PTPRR: variants seen among roughly 807,000 people sequenced by gnomAD.
The protein encoded by PTPRR is receptor-type tyrosine-protein phosphatase R.
In PTPRR, 38 loss-of-function variants were observed where a neutral mutation model predicts 77.2. The ratio of observed to expected loss-of-function variants is 0.49; its 90% CI spans 0.38 to 0.65. The LOEUF (loss-of-function observed/expected upper bound fraction) is 0.65, where lower values mean the gene tolerates loss of function less well. Ranked by LOEUF, PTPRR falls within the 30% of genes least tolerant of loss-of-function variation. PTPRR has a pLI of 0.00. For synonymous variants in PTPRR, 299 were observed against 283.1 expected, an observed-to-expected ratio of 1.06 and a Z score of -0.57; for missense variants, 744 against 799.2, an observed-to-expected ratio of 0.93 and a Z score of 0.83.
At chr12:70,656,494 A>C (rs1234784094) in intron 13 of PTPRR, among the ~76,000 whole-genome samples, 1 of 152,212 alleles carries the variant, frequency 6.6e-6, no homozygotes, top group East Asian at 1.9e-4. Flanking sequence ...GCACCACTGC[A>C]CTCCAGCCTG....
intron 1 of PTPRR, among the ~76,000 whole-genome samples, chr12:70,901,160 C>T (rs748475411): frequency 6.6e-5 from 10 of 151,336 alleles, no homozygotes; most frequent in Non-Finnish European, 1.2e-4. Flanking sequence ...ATTAGGGATC[C>T]TCAACCTGTA....
intron 1 of PTPRR, among the ~76,000 whole-genome samples, chr12:70,904,949 T>C (rs1407341677): frequency 6.6e-6 from 1 of 151,730 alleles, no homozygotes; most frequent in Non-Finnish European, 1.5e-5. Context: ...TTGAGGGATG[T>C]GTTTTTGGTT....
intron 1 of PTPRR, among the ~76,000 whole-genome samples, chr12:70,914,761 T>G (rs1893750170): frequency 6.6e-6 from 1 of 152,146 alleles, no homozygotes; most frequent in Admixed American, 6.6e-5. Context: ...AGGTCGAGGC[T>G]GCAGGGAGCC....
chr12:70,716,725 T>A (rs1889045940), intron 6 of PTPRR, among the ~76,000 whole-genome samples: 1 of 152,198 alleles, frequency 6.6e-6, no homozygotes, highest in Non-Finnish European at 1.5e-5. Flanking sequence ...CTCATGGCTG[T>A]AATACCAGCT....
Position 70,892,855 on chromosome 12 carries a change from T to G in PTPRR, c.181A>C (p.Ile61Leu), listed in dbSNP as rs755701727. 1 of 1,613,580 alleles carries G rather than the reference T, an allele frequency of 6.2e-7. No homozygotes were observed. The highest frequency in any genetic ancestry group is 1.1e-5 in the South Asian group (1 of 91,076). The part of the protein sequence containing the change: ...EKSLDIAPQK[I>L]YRHSYHSSSE... ...GAGGAATGGTAGCTATGTCTGTAGA[T>G]TTTTTGTGGGGCTATATCCAGGCTC... The change falls in exon 2 of 14, where the codon ATC becomes CTC. Residue 61 changes from isoleucine to leucine, a missense_variant. Coordinates refer to ENST00000283228, the MANE Select transcript of PTPRR (RefSeq NM_002849.4).
At chr12:70,915,033 AAGCTGTAGAG>A (rs1172397326) in intron 1 of PTPRR, among the ~76,000 whole-genome samples, 1 of 152,154 alleles carries the variant, frequency 6.6e-6, no homozygotes, top group African/African-American at 2.4e-5. Flanking sequence ...AATCAATGAC[AAGCTGTAGAG>A]AGCACTAACC....
At chr12:70,843,898 A>C (rs921348564) in intron 2 of PTPRR, among the ~76,000 whole-genome samples, 26 of 146,868 alleles carry the variant, frequency 1.8e-4, no homozygotes, top group African/African-American at 6.3e-4. Context: ...TCACTGCAAC[A>C]CCTGCCTCCC....
intron 6 of PTPRR, among the ~76,000 whole-genome samples, chr12:70,708,125 T>A (rs939858020): frequency 6.6e-6 from 1 of 152,022 alleles, no homozygotes; most frequent in Non-Finnish European, 1.5e-5. Flanking sequence ...CCAATATGTA[T>A]CCAATATATA....
intron 1 of PTPRR, among the ~76,000 whole-genome samples, chr12:70,908,519 T>A (rs369192309): frequency 6.6e-6 from 1 of 152,004 alleles, no homozygotes; most frequent in East Asian, 1.9e-4. Context: ...AACCATCAGA[T>A]CTCGTGAGAA....
chr12:70,672,222 C>T, intron 10 of PTPRR: 2 of 1,583,608 alleles, frequency 1.3e-6, no homozygotes, highest in Non-Finnish European at 1.7e-6. Context: ...CTGGCTCCAG[C>T]CACATGGCCA....
chr12:70,718,328 C>T (rs1031746928), intron 6 of PTPRR, among the ~76,000 whole-genome samples: 8 of 151,812 alleles, frequency 5.3e-5, no homozygotes, highest in South Asian at 2.1e-4. Flanking sequence ...TGCAATAGCA[C>T]GATCTCAGCT....
chr12:70,749,086 G>T (rs542365433), intron 5 of PTPRR, among the ~76,000 whole-genome samples: 3 of 152,130 alleles, frequency 2.0e-5, no homozygotes, highest in African/African-American at 7.2e-5. Context: ...ACAGCCATTC[G>T]CATCTGCTAC....
chr12:70,788,733 T>C, intron 2 of PTPRR: 2 of 928,852 alleles, frequency 2.2e-6, no homozygotes, highest in Middle Eastern at 2.1e-4. Flanking sequence ...TGAACAGATA[T>C]AGACATAAAT....
intron 2 of PTPRR, among the ~76,000 whole-genome samples, chr12:70,774,962 C>G (rs1193008732): frequency 6.6e-6 from 1 of 152,190 alleles, no homozygotes; most frequent in Non-Finnish European, 1.5e-5. Flanking sequence ...AACAAGGCAA[C>G]AGCTTTCAAG....
intron 2 of PTPRR, among the ~76,000 whole-genome samples, chr12:70,801,110 T>C (rs1891607628): frequency 6.6e-6 from 1 of 152,160 alleles, no homozygotes; most frequent in African/African-American, 2.4e-5. Flanking sequence ...TATAATAAAA[T>C]ATAAAGATTT....
chr12:70,808,912 C>G (rs926205158), intron 2 of PTPRR, among the ~76,000 whole-genome samples: 1 of 152,166 alleles, frequency 6.6e-6, no homozygotes, highest in Non-Finnish European at 1.5e-5. Flanking sequence ...TCTTCTTACT[C>G]TAAATCAGAA....
intron 2 of PTPRR, among the ~76,000 whole-genome samples, chr12:70,782,923 G>T (rs1891235207): frequency 6.6e-6 from 1 of 152,188 alleles, no homozygotes; most frequent in African/African-American, 2.4e-5. Context: ...TCAAACCTGG[G>T]TTGAGTGGCC....
At chr12:70,738,073 A>G (rs189143938) in intron 6 of PTPRR, among the ~76,000 whole-genome samples, 1 of 152,332 alleles carries the variant, frequency 6.6e-6, no homozygotes, top group African/African-American at 2.4e-5. Flanking sequence ...TTGAGTTTGA[A>G]TGTAGAATGG....
intron 2 of PTPRR, among the ~76,000 whole-genome samples, chr12:70,815,230 TGGA>T (rs1891882457): frequency 6.6e-6 from 1 of 150,746 alleles, no homozygotes; most frequent in Admixed American, 6.6e-5. Context: ...GATTAGACAC[TGGA>T]GAAGAAGGGA....
Sources: allele counts gnomAD v4.1 joint callset (sites outside exome capture counted in the v4.1 genomes callset), GRCh38; gene constraint gnomAD v4.1.1; transcripts MANE v1.5; gene names NCBI Gene and HGNC (gene_info 2026-07-23, HGNC 2026-07-21).